The following B3GALT1 variants were observed in gnomAD, a reference collection of about 807,000 sequenced individuals.
B3GALT1 encodes the protein beta-1,3-galactosyltransferase 1, also known as UDP-Gal:betaGlcNAc beta 1,3-galactosyltransferase, polypeptide 1.
A neutral mutation model predicts 23.2 loss-of-function variants in B3GALT1; 10 were observed. The ratio of observed to expected loss-of-function variants is 0.43; its 90% CI spans 0.27 to 0.73. B3GALT1 has a LOEUF of 0.73. Ranked by LOEUF, B3GALT1 falls within the 30% of genes least tolerant of loss-of-function variation. The pLI, the probability that B3GALT1 is intolerant of heterozygous loss-of-function variation, is 0.21. For missense variants in B3GALT1, 299 were observed against 405.4 expected, an observed-to-expected ratio of 0.74 and a Z score of 2.25; for synonymous variants, 156 against 141.5, an observed-to-expected ratio of 1.10 and a Z score of -0.73.
intron 3 of B3GALT1, among the ~76,000 whole-genome samples, chr2:167,810,278 C>T (rs912186247): frequency 1.3e-5 from 2 of 150,928 alleles, no homozygotes; most frequent in Non-Finnish European, 1.5e-5. Context: ...GTGCACTGCA[C>T]CCACTGTCCT....
At chr2:167,597,160 G>A (rs1684793055) in intron 2 of B3GALT1, among the ~76,000 whole-genome samples, 1 of 149,750 alleles carries the variant, frequency 6.7e-6, no homozygotes, top group African/African-American at 2.5e-5. Context: ...CTGTCGCCCA[G>A]GCTGGAGTGC....
intron 2 of B3GALT1, among the ~76,000 whole-genome samples, chr2:167,512,534 GTA>G (rs1196371799): frequency 6.1e-4 from 61 of 100,534 alleles, no homozygotes; most frequent in Middle Eastern, 6.3e-3. Context: ...ATGTGTGTGT[GTA>G]TATATATATG....
chr2:167,647,084 C>T (rs1387812821), intron 3 of B3GALT1, among the ~76,000 whole-genome samples, 118 bp downstream of exon 3: 1 of 152,106 alleles, frequency 6.6e-6, no homozygotes, highest in Non-Finnish European at 1.5e-5. Flanking sequence ...AGAGAAATCA[C>T]CTGCAAGAAA....
chr2:167,608,261 G>C (rs1685000746), intron 2 of B3GALT1, among the ~76,000 whole-genome samples: 1 of 152,170 alleles, frequency 6.6e-6, no homozygotes, highest in Non-Finnish European at 1.5e-5. Flanking sequence ...AAGATAGAGA[G>C]TTGCTTAGTA....
intron 2 of B3GALT1, among the ~76,000 whole-genome samples, chr2:167,572,467 G>T (rs1276266825): frequency 2.0e-5 from 3 of 151,770 alleles, no homozygotes; most frequent in African/African-American, 7.3e-5. Context: ...TTCTTAGTTT[G>T]TTGAGGATTA....
At chr2:167,311,513 A>C (rs1438733627) in intron 1 of B3GALT1, among the ~76,000 whole-genome samples, 1 of 152,030 alleles carries the variant, frequency 6.6e-6, no homozygotes, top group African/African-American at 2.4e-5. Context: ...TGAAAAGTTA[A>C]AAAAATGTAG....
intron 3 of B3GALT1, among the ~76,000 whole-genome samples, chr2:167,682,302 A>C (rs1368769880): frequency 6.6e-6 from 1 of 152,254 alleles, no homozygotes; most frequent in African/African-American, 2.4e-5. Flanking sequence ...ACGAATTAAA[A>C]GTATCAAATA....
intron 2 of B3GALT1, among the ~76,000 whole-genome samples, chr2:167,510,409 T>TG (rs1254618390): frequency 7.8e-4 from 100 of 127,614 alleles, no homozygotes; most frequent in Middle Eastern, 8.4e-3. Flanking sequence ...CAAGTTTTGT[T>TG]TTTTTTTTTT....
intron 3 of B3GALT1, among the ~76,000 whole-genome samples, chr2:167,662,524 T>C (rs1025681056): frequency 6.6e-6 from 1 of 152,124 alleles, no homozygotes; most frequent in Non-Finnish European, 1.5e-5. Context: ...CAGTATGGAA[T>C]GGCATCATGT....
At chr2:167,379,454 G>T (rs1330325955) in intron 1 of B3GALT1, among the ~76,000 whole-genome samples, 1 of 151,906 alleles carries the variant, frequency 6.6e-6, no homozygotes, top group Non-Finnish European at 1.5e-5. Context: ...CATTCTCTAG[G>T]GGGTGTGACT....
intron 4 of B3GALT1, among the ~76,000 whole-genome samples, chr2:167,840,782 T>A (rs1361177286): frequency 1.4e-5 from 2 of 147,542 alleles, no homozygotes; most frequent in African/African-American, 5.0e-5. Flanking sequence ...AACCCAAATG[T>A]CCAACAATGA....
Position 167,716,214 on chromosome 2 carries a change from A to G in B3GALT1, c.-352+69248A>G, listed in dbSNP as rs1054735229. 4.0e-5 allele frequency: 37 copies of G among 919,052 alleles called. No individual in the cohort carries two copies. In the African/African-American group the frequency reaches 5.6e-4, roughly 14 times the overall value. The allele number at this position is 919,052 out of a possible 1,614,324, so 56.9% of individuals were successfully genotyped here. On this transcript the variant is annotated intron_variant, in intron 3 of 4. Coordinates refer to ENST00000392690, the MANE Select transcript of B3GALT1 (RefSeq NM_020981.4). ...GAGCCGGCTGCGGAGGGAGCTGGGG[A>G]ATGCGGGCACCCCCCACAGGCCTCA...
intron 2 of B3GALT1, among the ~76,000 whole-genome samples, chr2:167,623,098 T>C (rs1685287066): frequency 6.6e-6 from 1 of 152,134 alleles, no homozygotes; most frequent in African/African-American, 2.4e-5. Context: ...AGAATGGCGA[T>C]CATTGAAAAG....
At chr2:167,690,556 AAC>A (rs1686695975) in intron 3 of B3GALT1, among the ~76,000 whole-genome samples, 1 of 152,238 alleles carries the variant, frequency 6.6e-6, no homozygotes, top group Admixed American at 6.5e-5. Flanking sequence ...GAAGAGGGAA[AAC>A]ACAGTTATAA....
chr2:167,302,620 AT>A (rs939940940), intron 1 of B3GALT1, among the ~76,000 whole-genome samples: 11 of 152,090 alleles, frequency 7.2e-5, no homozygotes, highest in Non-Finnish European at 1.3e-4. Flanking sequence ...ATTAAAATAA[AT>A]TTTTTTATTG....
At chr2:167,352,527 G>A (rs1040447806) in intron 1 of B3GALT1, among the ~76,000 whole-genome samples, 1 of 149,402 alleles carries the variant, frequency 6.7e-6, no homozygotes, top group Admixed American at 6.7e-5. Flanking sequence ...GACCAACCTG[G>A]CTAACACGGT....
intron 1 of B3GALT1, among the ~76,000 whole-genome samples, chr2:167,308,542 C>G (rs957456129): frequency 1.5e-4 from 23 of 152,018 alleles, no homozygotes; most frequent in African/African-American, 5.5e-4. Context: ...GTGAAAATCC[C>G]TCCAATAAGA....
chr2:167,390,947 C>T (rs73021749), intron 1 of B3GALT1, among the ~76,000 whole-genome samples: 1 of 152,164 alleles, frequency 6.6e-6, no homozygotes. Flanking sequence ...TCTTGACCAT[C>T]ATTCTCATTT....
intron 4 of B3GALT1, among the ~76,000 whole-genome samples, chr2:167,853,176 C>G (rs1689936391): frequency 6.6e-6 from 1 of 152,098 alleles, no homozygotes; most frequent in Admixed American, 6.6e-5. Context: ...TGATCAAAAC[C>G]TCCCTTCGCA....
Sources: allele counts gnomAD v4.1 joint callset (sites outside exome capture counted in the v4.1 genomes callset), GRCh38; gene constraint gnomAD v4.1.1; transcripts MANE v1.5; gene names NCBI Gene and HGNC (gene_info 2026-07-23, HGNC 2026-07-21).